ARL15: variants seen among roughly 807,000 people sequenced by gnomAD.
ARL15 encodes the protein ADP-ribosylation factor-like protein 15.
ARL15 carries 19 observed loss-of-function variants against 25.2 expected under a neutral mutation model. The observed-to-expected ratio is 0.75, with a 90% CI of 0.53 to 1.10. The LOEUF is 1.10. ARL15 is among the 50% of genes least tolerant of loss of function. The probability of loss-of-function intolerance (pLI) is 0.00; values close to 1 mark genes in which losing one functional copy is unlikely to be tolerated. For synonymous variants in ARL15, 94 were observed against 86.8 expected (o/e 1.08, Z -0.46); for missense variants, 220 against 246.0 (o/e 0.89, Z 0.71).
chr5:54,172,741 T>C (rs1001417011), intron 1 of ARL15, among the ~76,000 whole-genome samples: 1 of 152,212 alleles, frequency 6.6e-6, no homozygotes, highest in Non-Finnish European at 1.5e-5. Context: ...GTAAAGAGAA[T>C]AGAGGAAAAC....
At chr5:54,131,979 G>A (rs1753452794) in intron 3 of ARL15, among the ~76,000 whole-genome samples, 1 of 151,248 alleles carries the variant, frequency 6.6e-6, no homozygotes, top group African/African-American at 2.4e-5. Flanking sequence ...GGGGGAAAAA[G>A]TATGATTATT....
At chr5:54,184,947 G>T (rs779136654) in intron 1 of ARL15, among the ~76,000 whole-genome samples, 1 of 151,946 alleles carries the variant, frequency 6.6e-6, no homozygotes, top group Non-Finnish European at 1.5e-5. Flanking sequence ...TGTTTTTCCC[G>T]TGATTTAAAA....
intron 4 of ARL15, among the ~76,000 whole-genome samples, chr5:53,971,709 C>T (rs1747756476): frequency 6.6e-6 from 1 of 152,144 alleles, no homozygotes. Context: ...AATAACAAGT[C>T]TCCTTATGCA....
intron 4 of ARL15, among the ~76,000 whole-genome samples, chr5:53,891,680 C>A (rs1266774145): frequency 6.6e-6 from 1 of 152,188 alleles, no homozygotes; most frequent in African/African-American, 2.4e-5. Context: ...ACACACAATG[C>A]CTATGTTCCC....
At chr5:54,113,508 A>G in intron 3 of ARL15, 98 bp from the exon 4 acceptor site, 1 of 1,124,640 alleles carries the variant, frequency 8.9e-7, no homozygotes, top group Non-Finnish European at 1.3e-6. Context: ...TGTACCTTTT[A>G]AAAATTAAGT....
At chr5:53,983,232 A>G (rs1233452745) in intron 4 of ARL15, among the ~76,000 whole-genome samples, 2 of 152,194 alleles carry the variant, frequency 1.3e-5, no homozygotes, top group Non-Finnish European at 2.9e-5. Context: ...ATTTTTACTG[A>G]AAAACTTGTA....
chr5:54,029,950 T>C (rs918206936), intron 4 of ARL15, among the ~76,000 whole-genome samples: 11 of 151,904 alleles, frequency 7.2e-5, no homozygotes, highest in South Asian at 2.1e-4. Context: ...TGAGCAGAGA[T>C]AGCGCCACTG....
intron 3 of ARL15, among the ~76,000 whole-genome samples, chr5:54,125,065 TTTTTG>T (rs1554041943): frequency 1.1e-4 from 17 of 151,436 alleles, no homozygotes; most frequent in South Asian, 6.3e-4. Context: ...GTAAGCAAGT[TTTTTG>T]TTTTGTTTTG....
Position 53,886,716 on chromosome 5 carries a change from TAA to T in ARL15, c.463-5_463-4del. The T allele has an allele frequency of 1.3e-6, 2 of 1,541,762 alleles. No homozygotes were observed. The highest frequency in any genetic ancestry group is 8.7e-7 in the Non-Finnish European group (1 of 1,146,270). ...TCAAGTTCAAAATATTTTTTGATCTTAAGAGGAAAAAATAAAGATAAATAGGT... is the reference window on the plus strand; with the variant it reads ...TCAAGTTCAAAATATTTTTTGATCTTGAGGAAAAAATAAAGATAAATAGGT... On this transcript the variant is annotated splice_region_variant and splice_polypyrimidine_tract_variant and intron_variant, in intron 4 of 4. Transcript: ENST00000504924.
At chr5:54,059,877 T>G (rs1751009145) in intron 4 of ARL15, among the ~76,000 whole-genome samples, 1 of 152,122 alleles carries the variant, frequency 6.6e-6, no homozygotes, top group African/African-American at 2.4e-5. Flanking sequence ...TAACCAAATA[T>G]TAGAAATAGT....
intron 4 of ARL15, among the ~76,000 whole-genome samples, chr5:54,019,909 A>G (rs190071314): frequency 2.0e-5 from 3 of 152,356 alleles, no homozygotes; most frequent in African/African-American, 7.2e-5. Context: ...TCTTTCATCT[A>G]CAGCACACTT....
At chr5:54,238,282 C>T (rs2112569735) in intron 1 of ARL15, among the ~76,000 whole-genome samples, 1 of 152,346 alleles carries the variant, frequency 6.6e-6, no homozygotes, top group South Asian at 2.1e-4. Flanking sequence ...CCTGGAAACA[C>T]TGCACGTGAC....
rs186462061 is a variant in ARL15, at chr5:54,121,417, C to G, written c.254-8007G>C. Among the ~76,000 whole-genome samples, 2 of 151,908 alleles carry G rather than the reference C, an allele frequency of 1.3e-5. 1 individual carries two copies. The highest frequency in any genetic ancestry group is 4.1e-4 in the South Asian group (2 of 4,822). ...GGCCACCCAGCATCATGTTCAGGCT[C>G]AAGCATAAAATAGTGAATGGCAAAG... On this transcript the variant is annotated intron_variant, in intron 3 of 4. Transcript: ENST00000504924.
intron 1 of ARL15, among the ~76,000 whole-genome samples, chr5:54,267,886 T>C (rs1253309508): frequency 2.0e-5 from 3 of 152,064 alleles, no homozygotes; most frequent in Non-Finnish European, 4.4e-5. Flanking sequence ...CCTTTCTCTC[T>C]GGCTGCCCTT....
intron 1 of ARL15, among the ~76,000 whole-genome samples, chr5:54,175,777 C>T (rs1397200081): frequency 6.6e-6 from 1 of 150,826 alleles, no homozygotes; most frequent in Admixed American, 6.6e-5. Context: ...CTCAGCCTCC[C>T]GAGTAGCTGG....
chr5:54,205,935 T>C (rs570454805), intron 1 of ARL15, among the ~76,000 whole-genome samples: 19 of 152,286 alleles, frequency 1.2e-4, no homozygotes, highest in African/African-American at 4.6e-4. Flanking sequence ...AAGTATCTAG[T>C]GGAACAGACT....
At chr5:54,202,644 T>TA (rs1403446609) in intron 1 of ARL15, among the ~76,000 whole-genome samples, 1 of 152,164 alleles carries the variant, frequency 6.6e-6, no homozygotes, top group East Asian at 1.9e-4. Flanking sequence ...TTAAGCTACT[T>TA]AGTTTGTGGT....
At chr5:54,027,386 T>C (rs1415072636) in intron 4 of ARL15, among the ~76,000 whole-genome samples, 1 of 152,190 alleles carries the variant, frequency 6.6e-6, no homozygotes, top group African/African-American at 2.4e-5. Flanking sequence ...ATTAATTACT[T>C]AAACTTCCAT....
intron 1 of ARL15, among the ~76,000 whole-genome samples, chr5:54,249,143 G>A (rs941731570): frequency 9.8e-5 from 15 of 152,302 alleles, no homozygotes; most frequent in Admixed American, 5.2e-4. Flanking sequence ...TTAGGATAGC[G>A]TATTATGGAA....
Sources: gnomAD v4.1 joint callset for allele counts (sites outside exome capture counted in the v4.1 genomes callset) on GRCh38, gnomAD v4.1.1 for gene constraint, MANE v1.5 for transcripts, NCBI Gene and HGNC (gene_info 2026-07-23, HGNC 2026-07-21) for gene names.